Variants in CLASP1 observed in about 807,000 individuals in gnomAD.
CLASP1 encodes the protein cytoplasmic linker associated protein 1.
In CLASP1, 38 loss-of-function variants were observed where a neutral mutation model predicts 192.3. The observed-to-expected ratio is 0.20, with a 90% CI of 0.15 to 0.26. The LOEUF is 0.26. Among genes scored for constraint, CLASP1 ranks in the 10% least tolerant of loss-of-function variants. CLASP1 has a pLI of 1.00. For missense variants in CLASP1, 1,433 were observed against 1,932.5 expected (o/e 0.74, Z 4.85); for synonymous variants, 691 against 712.8 (o/e 0.97, Z 0.49).
intron 1 of CLASP1, among the ~76,000 whole-genome samples, chr2:121,639,656 G>A (rs1422514234): frequency 6.6e-6 from 1 of 152,018 alleles, no homozygotes; most frequent in Non-Finnish European, 1.5e-5. Flanking sequence ...CTGAGGTTGG[G>A]AGTTCAAGAC....
chr2:121,485,487 C>T (rs1052485968), intron 8 of CLASP1, among the ~76,000 whole-genome samples: 2 of 152,162 alleles, frequency 1.3e-5, no homozygotes, highest in East Asian at 1.9e-4. Context: ...TCCAAGTACA[C>T]TAAAGACTCC....
Position 121,457,682 on chromosome 2 carries a change from T to C in CLASP1, c.1385+5A>G, listed in dbSNP as rs1200793397. 5 of 1,604,126 alleles carry C rather than the reference T, an allele frequency of 3.1e-6. No individual in the cohort carries two copies. Among genetic ancestry groups the C allele is most frequent in the Admixed American group, 3.4e-5 (2 of 59,370 alleles). ...AAAACAATGAGAAAATCCTTTAAAA[T>C]TTACCTTCTAACTGCGACAGACTTA... On this transcript the variant is annotated splice_donor_5th_base_variant and intron_variant, in intron 14 of 39. Coordinates refer to ENST00000263710, the Ensembl canonical transcript of CLASP1.
chr2:121,482,267 C>T (rs1399707110), intron 8 of CLASP1, among the ~76,000 whole-genome samples: 2 of 152,086 alleles, frequency 1.3e-5, no homozygotes, highest in Non-Finnish European at 2.9e-5. Context: ...TCCCTCTGCA[C>T]CTGGACAGGC....
At chr2:121,518,280 G>A (rs192368012) in intron 6 of CLASP1, among the ~76,000 whole-genome samples, 45 of 149,102 alleles carry the variant, frequency 3.0e-4, no homozygotes. Flanking sequence ...GTTAAATGAG[G>A]TCATGATGGC....
At chr2:121,611,728 G>C (rs2065559539) in intron 1 of CLASP1, among the ~76,000 whole-genome samples, 1 of 148,766 alleles carries the variant, frequency 6.7e-6, no homozygotes, top group African/African-American at 2.5e-5. Context: ...GGAGGAGGAG[G>C]TGTTGGAGGA....
chr2:121,374,717 T>A (rs1297171977), intron 34 of CLASP1, among the ~76,000 whole-genome samples: 2 of 152,196 alleles, frequency 1.3e-5, no homozygotes, highest in Non-Finnish European at 2.9e-5. Flanking sequence ...GCTTTAAGAT[T>A]TAATGACTGC....
intron 32 of CLASP1, among the ~76,000 whole-genome samples, chr2:121,385,164 A>AGCT (rs1294518904): frequency 6.6e-6 from 1 of 152,222 alleles, no homozygotes; most frequent in Non-Finnish European, 1.5e-5. Context: ...TATGTAGCCT[A>AGCT]TTTAAATATT....
At chr2:121,408,242 T>G (rs1440575443) in intron 24 of CLASP1, among the ~76,000 whole-genome samples, 1 of 152,204 alleles carries the variant, frequency 6.6e-6, no homozygotes, top group Non-Finnish European at 1.5e-5. Context: ...AATATTTATG[T>G]TTCCTAAAAA....
intron 33 of CLASP1, among the ~76,000 whole-genome samples, chr2:121,378,465 T>C (rs1203886857): frequency 1.3e-5 from 2 of 152,174 alleles, no homozygotes; most frequent in Non-Finnish European, 2.9e-5. Context: ...CAAACAATCC[T>C]TTTTGGTGCA....
At chr2:121,502,184 C>T (rs773550709) in intron 8 of CLASP1, among the ~76,000 whole-genome samples, 1 of 152,086 alleles carries the variant, frequency 6.6e-6, no homozygotes, top group African/African-American at 2.4e-5. Context: ...ACATCAAAAT[C>T]ATTACTTTAT....
In CLASP1 at chr2:121,398,409, G is replaced by A. The variant is rs1481643571; in HGVS notation, c.2901-9C>T. 6.4e-7 allele frequency: 1 copy of A among 1,566,328 alleles called. No homozygotes were observed. Among genetic ancestry groups the A allele is most frequent in the Non-Finnish European group, 8.7e-7 (1 of 1,154,294 alleles). ...CAAATGGAAAGGAGTCCCTAGGTTGGTGGGAAAAAAGTGCTTATTTTTAAA... is the reference window on the plus strand; with the variant it reads ...CAAATGGAAAGGAGTCCCTAGGTTGATGGGAAAAAAGTGCTTATTTTTAAA... On this transcript the variant is annotated splice_polypyrimidine_tract_variant and intron_variant, in intron 28 of 39. Transcript: ENST00000263710.
chr2:121,528,463 T>A (rs1286357612), intron 4 of CLASP1, among the ~76,000 whole-genome samples: 1 of 152,128 alleles, frequency 6.6e-6, no homozygotes, highest in Non-Finnish European at 1.5e-5. Flanking sequence ...AATACCCCCA[T>A]GTTAAATCCA....
intron 2 of CLASP1, among the ~76,000 whole-genome samples, chr2:121,580,477 T>A (rs2061005432): frequency 6.6e-6 from 1 of 152,216 alleles, no homozygotes; most frequent in Non-Finnish European, 1.5e-5. Context: ...ATTAACATTT[T>A]CATTTCTTTC....
At chr2:121,433,507 C>A (rs2081814298) in intron 19 of CLASP1, among the ~76,000 whole-genome samples, 1 of 152,152 alleles carries the variant, frequency 6.6e-6, no homozygotes, top group African/African-American at 2.4e-5. Context: ...GTAACCCCAG[C>A]ACTTTGGGAG....
intron 2 of CLASP1, among the ~76,000 whole-genome samples, chr2:121,591,863 C>CT (rs2062438871): frequency 6.6e-6 from 1 of 152,230 alleles, no homozygotes; most frequent in Non-Finnish European, 1.5e-5. Context: ...ACAGCCATCT[C>CT]TAACAGCTCC....
intron 7 of CLASP1, among the ~76,000 whole-genome samples, chr2:121,514,481 T>TGA (rs1303010030): frequency 6.6e-6 from 1 of 151,558 alleles, no homozygotes; most frequent in Non-Finnish European, 1.5e-5. Context: ...ACCAGAAGGC[T>TGA]GAGGTTCACA....
chr2:121,365,438 T>C (rs1361810413), intron 35 of CLASP1, among the ~76,000 whole-genome samples, 154 bp from the exon 37 acceptor site: 2 of 152,186 alleles, frequency 1.3e-5, no homozygotes, highest in Non-Finnish European at 2.9e-5. Flanking sequence ...CCTGCTTCGC[T>C]GTCCGGCCTC....
chr2:121,547,619 T>C (rs1325827576), intron 2 of CLASP1, among the ~76,000 whole-genome samples: 1 of 152,008 alleles, frequency 6.6e-6, no homozygotes, highest in African/African-American at 2.4e-5. Flanking sequence ...AGAGCTGCAA[T>C]GGGCAGCTCG....
intron 1 of CLASP1, among the ~76,000 whole-genome samples, chr2:121,625,479 G>T (rs530475638): frequency 5.6e-4 from 76 of 135,140 alleles, no homozygotes; most frequent in South Asian, 3.4e-3. Flanking sequence ...CTGTTATCCA[G>T]GCTGGAGTGC....
Sources: gnomAD v4.1 joint callset for allele counts (sites outside exome capture counted in the v4.1 genomes callset) on GRCh38, gnomAD v4.1.1 for gene constraint, MANE v1.5 for transcripts, NCBI Gene and HGNC (gene_info 2026-07-23, HGNC 2026-07-21) for gene names.